Variants in SAPCD1 observed in about 807,000 individuals in gnomAD.
SAPCD1 encodes the protein suppressor APC domain-containing protein 1.
SAPCD1 carries 16 observed loss-of-function variants against 20.7 expected under a neutral mutation model. That is an observed-to-expected ratio of 0.77 (90% CI 0.52 to 1.17). SAPCD1 has a LOEUF of 1.17. Ranked by LOEUF, SAPCD1 falls within the 50% of genes most tolerant of loss-of-function variation. The pLI is 0.00. For synonymous variants in SAPCD1, 77 were observed against 84.8 expected, an observed-to-expected ratio of 0.91 and a Z score of 0.50; for missense variants, 173 against 209.9, an observed-to-expected ratio of 0.82 and a Z score of 1.09.
chr6:31,764,763 G>A lies in SAPCD1; in HGVS notation c.*232G>A. ...ACGATCTTTCTTTGAAATCCCTCTG[G>A]GAAGAAGCATGTTTATTGAAACTGT... On this transcript the variant is annotated 3_prime_UTR_variant, in exon 5 of 5. Transcript: ENST00000415669. This position sits in a 1 kb window ranked among gnomAD's most constrained non-coding sequence, Gnocchi z 4.7. The A allele has an allele frequency of 4.3e-6, 2 of 463,748 alleles. No homozygotes were observed. Among genetic ancestry groups the A allele is most frequent in the South Asian group, 3.7e-5 (1 of 27,384 alleles). The allele number at this position is 463,748 out of a possible 1,614,324, so 28.7% of individuals were successfully genotyped here. A position where few individuals can be genotyped will look rare whatever the true frequency, so the allele number is the denominator to read the frequency against.
chr6:31,764,583 C>T lies in SAPCD1; in HGVS notation c.*52C>T. The T allele has an allele frequency of 7.4e-7, 1 of 1,344,056 alleles. No individual in the cohort carries two copies. The highest frequency in any genetic ancestry group is 2.2e-5 in the Admixed American group (1 of 45,438). 83.3% of individuals were successfully genotyped at this position (1,344,056 alleles called of 1,614,324 possible). A position where few individuals can be genotyped will look rare whatever the true frequency, so the allele number is the denominator to read the frequency against. On this transcript the variant is annotated 3_prime_UTR_variant, in exon 5 of 5. Coordinates refer to ENST00000415669, the Ensembl canonical transcript of SAPCD1. This position sits in a 1 kb window ranked among gnomAD's most constrained non-coding sequence, Gnocchi z 4.7. The stretch of plus-strand genomic sequence containing the variant: ...GTGAAAGAGTCAGAAGCCCCAGGCT[C>T]CTTTTTCTGTTTCTTAACTCAACAG...
Position 31,763,177 on chromosome 6 carries a change from CA to C in SAPCD1, c.114+10del. Reference sequence around the variant, plus strand: ...AGAGCTTCTTCCTTTGGGTGAGTATCAGCCCAACAAGAGGTCCCAGGGGAAC... The same window carrying C: ...AGAGCTTCTTCCTTTGGGTGAGTATCGCCCAACAAGAGGTCCCAGGGGAAC... On this transcript the variant is annotated intron_variant, in intron 1 of 4. Transcript: ENST00000415669. The surrounding 1 kb of genome is among the most constrained non-coding windows in gnomAD (Gnocchi z 4.9). The C allele has an allele frequency of 6.7e-7, 1 of 1,500,540 alleles. No homozygotes were observed. The highest frequency in any genetic ancestry group is 9.1e-7 in the Non-Finnish European group (1 of 1,103,486). 93.0% of individuals were successfully genotyped at this position (1,500,540 alleles called of 1,614,324 possible).
At position 31,764,499 on chromosome 6, in the gene SAPCD1, A is replaced by ACCAAGGGG; in HGVS notation, c.511_518dup (p.Pro175GlnfsTer44). On this transcript the variant is annotated frameshift_variant, in exon 5 of 5. Transcript: ENST00000415669. LOFTEE classifies it low-confidence loss of function (END_TRUNC). The surrounding 1 kb of genome is among the most constrained non-coding windows in gnomAD (Gnocchi z 4.7). ...GGAGGAGATGGCTCAGCGGGGCTGC[A>ACCAAGGGG]CCAAGGGGCCAAGAGGCCCTACCCG... is the stretch of plus-strand genomic sequence containing the variant. 6.2e-7 allele frequency: 1 copy of ACCAAGGGG among 1,613,952 alleles called. No homozygotes were observed. Among genetic ancestry groups the ACCAAGGGG allele is most frequent in the African/African-American group, 1.3e-5 (1 of 75,060 alleles).
chr6:31,762,979 C>T (rs1291618995), upstream of SAPCD1: 12 of 754,166 alleles, frequency 1.6e-5, no homozygotes, highest in Middle Eastern at 7.5e-4. Flanking sequence ...AGGATGGGTG[C>T]AAGGCAGGGG....
At position 31,763,347 on chromosome 6, in the gene SAPCD1, A is replaced by G; in HGVS notation, c.115-68A>G. 3 of 1,597,170 alleles carry G rather than the reference A, an allele frequency of 1.9e-6. No individual in the cohort carries two copies. Among genetic ancestry groups the G allele is most frequent in the Non-Finnish European group, 2.6e-6 (3 of 1,166,624 alleles). On this transcript the variant is annotated intron_variant, in intron 1 of 4. Transcript: ENST00000415669. This position sits in a 1 kb window ranked among gnomAD's most constrained non-coding sequence, Gnocchi z 4.9. The stretch of plus-strand genomic sequence containing the variant: ...ACACAGTGAACCCAACTAGGGGTGG[A>G]GAGAAAGGGCCATAACCCAGAGCCC...
chr6:31,764,251 G>T lies in SAPCD1; in HGVS notation c.352-15G>T, dbSNP rs753160424. On this transcript the variant is annotated splice_polypyrimidine_tract_variant and intron_variant, in intron 3 of 4. Transcript: ENST00000415669. This position sits in a 1 kb window ranked among gnomAD's most constrained non-coding sequence, Gnocchi z 4.7. The stretch of plus-strand genomic sequence containing the variant: ...GTGCTGGCTTAACAGAAAACACAGC[G>T]AATTTCCCCTCCAGTTCTCCCCAAG... 1 of 1,612,736 alleles carries T rather than the reference G, an allele frequency of 6.2e-7. No homozygotes were observed. Among genetic ancestry groups the T allele is most frequent in the Admixed American group, 1.7e-5 (1 of 60,018 alleles).
chr6:31,764,035 ATGT>A lies in SAPCD1; in HGVS notation c.256-25_256-23del. Reference sequence around the variant, plus strand: ...TGGCAGACGACCTCAGGTTTTCACCATGTTGTCAGCCTCCAACTCCTCCTCTAG... The same window carrying A: ...TGGCAGACGACCTCAGGTTTTCACCATGTCAGCCTCCAACTCCTCCTCTAG... On this transcript the variant is annotated intron_variant, in intron 2 of 4. Coordinates refer to ENST00000415669, the Ensembl canonical transcript of SAPCD1. This position sits in a 1 kb window ranked among gnomAD's most constrained non-coding sequence, Gnocchi z 4.7. 2 of 1,485,418 alleles carry A rather than the reference ATGT, an allele frequency of 1.3e-6. No individual in the cohort carries two copies. The highest frequency in any genetic ancestry group is 2.3e-5 in the South Asian group (2 of 88,342). The allele number at this position is 1,485,418 out of a possible 1,614,324, so 92.0% of individuals were successfully genotyped here.
Position 31,763,304 on chromosome 6 carries a change from GGTTCACACTCAGTGACCACACA to G in SAPCD1, c.115-108_115-87del, listed in dbSNP as rs1188733083. The G allele has an allele frequency of 1.4e-6, 2 of 1,453,640 alleles. No individual in the cohort carries two copies. The highest frequency in any genetic ancestry group is 1.9e-6 in the Non-Finnish European group (2 of 1,046,776). 90.0% of individuals were successfully genotyped at this position (1,453,640 alleles called of 1,614,324 possible). ...CTCCAGGTCCTCAGTGGCCAGTCTG[GGTTCACACTCAGTGACCACACA>G]GTGAACCCAACTAGGGGTGGAGAGA... On this transcript the variant is annotated intron_variant, in intron 1 of 4. Transcript: ENST00000415669. The surrounding 1 kb of genome is among the most constrained non-coding windows in gnomAD (Gnocchi z 4.9).
chr6:31,763,586 G>A lies in SAPCD1; in HGVS notation c.255+31G>A, dbSNP rs759457175. On this transcript the variant is annotated intron_variant, in intron 2 of 4. Coordinates refer to ENST00000415669, the Ensembl canonical transcript of SAPCD1. This position sits in a 1 kb window ranked among gnomAD's most constrained non-coding sequence, Gnocchi z 4.9. ...GGGGCTGCCCCTCTGTGTGAATGGG[G>A]GGAGGACCAGGGAGGGAGGAACAGG... 1 of 1,574,706 alleles carries A rather than the reference G, an allele frequency of 6.4e-7. No homozygotes were observed. Among genetic ancestry groups the A allele is most frequent in the Non-Finnish European group, 8.6e-7 (1 of 1,159,802 alleles).
chr6:31,764,136 T>C lies in SAPCD1; in HGVS notation c.328T>C (p.Leu110=). 6.2e-7 allele frequency: 1 copy of C among 1,613,762 alleles called. No individual in the cohort carries two copies. Among genetic ancestry groups the C allele is most frequent in the Non-Finnish European group, 8.5e-7 (1 of 1,179,634 alleles). Residue 110 remains leucine, a synonymous_variant, in exon 3 of 5, where the codon TTG becomes CTG. Coordinates refer to ENST00000415669, the Ensembl canonical transcript of SAPCD1. The surrounding 1 kb of genome is among the most constrained non-coding windows in gnomAD (Gnocchi z 4.7). ...CCAGATTCAAAAGGTGAACATCTGT[T>C]TGCAGAATCTGATTCATGAGAAGGT...
At position 31,764,824 on chromosome 6, in the gene SAPCD1, G is replaced by T; in HGVS notation, c.*293G>T. ...TAAATACAAAAATAAAACTGAAACTGCTCCAGAAAGCAGCTTTCTCCAAAA... is the reference window on the plus strand; with the variant it reads ...TAAATACAAAAATAAAACTGAAACTTCTCCAGAAAGCAGCTTTCTCCAAAA... On this transcript the variant is annotated 3_prime_UTR_variant, in exon 5 of 5. Transcript: ENST00000415669. The surrounding 1 kb of genome is among the most constrained non-coding windows in gnomAD (Gnocchi z 4.7). 2.2e-6 allele frequency: 1 copy of T among 454,520 alleles called. No individual in the cohort carries two copies. Among genetic ancestry groups the T allele is most frequent in the Non-Finnish European group, 3.9e-6 (1 of 258,196 alleles). The allele number at this position is 454,520 out of a possible 1,614,324, so 28.2% of individuals were successfully genotyped here. A position where few individuals can be genotyped will look rare whatever the true frequency, so the allele number is the denominator to read the frequency against.
In SAPCD1 at chr6:31,764,303, C is replaced by A. The variant is rs1811304235; in HGVS notation, c.389C>A (p.Thr130Asn). 1 of 1,614,162 alleles carries A rather than the reference C, an allele frequency of 6.2e-7. No homozygotes were observed. The change falls in exon 4 of 5, where the codon ACC (threonine) becomes AAC (asparagine). Residue 130 changes from threonine to asparagine, a missense_variant. Transcript: ENST00000415669. This position sits in a 1 kb window ranked among gnomAD's most constrained non-coding sequence, Gnocchi z 4.7. ...CCACTGAACAAGGCTAGTTCCTGCA[C>A]CACCCAGGATTCAAAGGAAAGACGA...
At chr6:31,762,743 A>G (rs1209194131), upstream of SAPCD1, 29 of 561,854 alleles carry the variant, frequency 5.2e-5, no homozygotes, top group Non-Finnish European at 9.1e-5. Flanking sequence ...AGGAGTCCAC[A>G]GGGGAACCTG....
At position 31,763,161 on chromosome 6, in the gene SAPCD1, TC is replaced by T. The variant is rs770174454; in HGVS notation, c.109del (p.Leu37PhefsTer34). On this transcript the variant is annotated frameshift_variant, in exon 1 of 5. Coordinates refer to ENST00000415669, the Ensembl canonical transcript of SAPCD1. LOFTEE classifies it high-confidence loss of function. The surrounding 1 kb of genome is among the most constrained non-coding windows in gnomAD (Gnocchi z 4.9). ...CAAGACCCAGGGGCCCAGAGCTTCT[TC>T]CTTTGGGTGAGTATCAGCCCAACAA... The T allele has an allele frequency of 7.1e-6, 11 of 1,555,336 alleles. No homozygotes were observed. The African/African-American group carries it at 9.7e-5, about 14-fold the overall frequency.
Position 31,764,182 on chromosome 6 carries a change from A to C in SAPCD1, c.351+23A>C. Reference sequence around the variant, plus strand: ...AAGGTGAGTTTATTGTTTTCAGTTTAGACTTTTGGGAAGTTGGACTAGAGA... The same window carrying C: ...AAGGTGAGTTTATTGTTTTCAGTTTCGACTTTTGGGAAGTTGGACTAGAGA... On this transcript the variant is annotated intron_variant, in intron 3 of 4. Transcript: ENST00000415669. The surrounding 1 kb of genome is among the most constrained non-coding windows in gnomAD (Gnocchi z 4.7). The C allele has an allele frequency of 6.2e-7, 1 of 1,608,622 alleles. No homozygotes were observed. Among genetic ancestry groups the C allele is most frequent in the Non-Finnish European group, 8.5e-7 (1 of 1,174,926 alleles).
chr6:31,763,034 C>T lies in SAPCD1; in HGVS notation c.-21C>T. ...CGGGCTGCACCAGTGGGAGTGGCTC[C>T]ACCCTTCCCACCTCAGAGCCATGGG... On this transcript the variant is annotated 5_prime_UTR_variant, in exon 1 of 5. Transcript: ENST00000415669. The surrounding 1 kb of genome is among the most constrained non-coding windows in gnomAD (Gnocchi z 4.9). 1 of 1,453,952 alleles carries T rather than the reference C, an allele frequency of 6.9e-7. No individual in the cohort carries two copies. Among genetic ancestry groups the T allele is most frequent in the Non-Finnish European group, 9.5e-7 (1 of 1,053,118 alleles). 90.1% of individuals were successfully genotyped at this position (1,453,952 alleles called of 1,614,324 possible). A position where few individuals can be genotyped will look rare whatever the true frequency, so the allele number is the denominator to read the frequency against.
At position 31,764,311 on chromosome 6, in the gene SAPCD1, G is replaced by A. The variant is rs772942924; in HGVS notation, c.397G>A (p.Asp133Asn). 12 of 1,614,052 alleles carry A rather than the reference G, an allele frequency of 7.4e-6. No individual in the cohort carries two copies. The highest frequency in any genetic ancestry group is 3.3e-5 in the Admixed American group (2 of 59,996). Residue 133 changes from aspartate (D) to asparagine (N), a missense_variant, in exon 4 of 5, where the codon GAT becomes AAT. Physicochemically the swap from Asp to Asn is conservative, Grantham distance 23 (BLOSUM62 1). Coordinates refer to ENST00000415669, the Ensembl canonical transcript of SAPCD1. This position sits in a 1 kb window ranked among gnomAD's most constrained non-coding sequence, Gnocchi z 4.7. Reference sequence around the variant, plus strand: ...CAAGGCTAGTTCCTGCACCACCCAGGATTCAAAGGAAAGACGAAGGGAGCA... The same window carrying A: ...CAAGGCTAGTTCCTGCACCACCCAGAATTCAAAGGAAAGACGAAGGGAGCA...
Position 31,764,160 on chromosome 6 carries a change from G to C in SAPCD1, c.351+1G>C, listed in dbSNP as rs775436996. On this transcript the variant is annotated splice_donor_variant, in intron 3 of 4. Coordinates refer to ENST00000415669, the Ensembl canonical transcript of SAPCD1. LOFTEE classifies it high-confidence loss of function. The surrounding 1 kb of genome is among the most constrained non-coding windows in gnomAD (Gnocchi z 4.7). ...TTTGCAGAATCTGATTCATGAGAAG[G>C]TGAGTTTATTGTTTTCAGTTTAGAC... 6.2e-7 allele frequency: 1 copy of C among 1,612,676 alleles called. No individual in the cohort carries two copies. Among genetic ancestry groups the C allele is most frequent in the South Asian group, 1.1e-5 (1 of 91,064 alleles).
chr6:31,763,398 G>A lies in SAPCD1; in HGVS notation c.115-17G>A, dbSNP rs747518459. ...TACTGTGGCGTGAGAGTCAGCCTCT[G>A]TGATTGCCTTTCCCAGCTACGCAGG... is the stretch of plus-strand genomic sequence containing the variant. On this transcript the variant is annotated splice_polypyrimidine_tract_variant and intron_variant, in intron 1 of 4. Transcript: ENST00000415669. This position sits in a 1 kb window ranked among gnomAD's most constrained non-coding sequence, Gnocchi z 4.9. The A allele has an allele frequency of 3.1e-6, 5 of 1,612,932 alleles. No homozygotes were observed. In the African/African-American group the frequency reaches 5.3e-5, roughly 17 times the overall value.
Sources: gnomAD v4.1 joint callset for allele counts on GRCh38, gnomAD v4.1.1 for gene constraint, Gnocchi (gnomAD v3.1) non-coding constraint, MANE v1.5 for transcripts, NCBI Gene and HGNC (gene_info 2026-07-23, HGNC 2026-07-21) for gene names.